The following NUP205 variants were observed in gnomAD, a reference collection of about 807,000 sequenced individuals.
NUP205 encodes the protein nuclear pore complex protein Nup205.
A neutral mutation model predicts 253.8 loss-of-function variants in NUP205; 76 were observed. The observed-to-expected ratio is 0.30, with a 90% confidence interval of 0.25 to 0.36. NUP205 has a LOEUF of 0.36. NUP205 is among the 10% of genes least tolerant of loss of function. NUP205 has a pLI of 1.00. For missense variants in NUP205, 2,162 were observed against 2,425.5 expected, an observed-to-expected ratio of 0.89 and a Z score of 2.28; for synonymous variants, 832 against 850.1, an observed-to-expected ratio of 0.98 and a Z score of 0.37.
At chr7:135,610,407 A>G (rs1168249197) in intron 22 of NUP205, among the ~76,000 whole-genome samples, 4 of 152,164 alleles carry the variant, frequency 2.6e-5, no homozygotes, top group Non-Finnish European at 1.5e-5. Context: ...TTTAGTAGAG[A>G]GGGGGCTTCA....
At chr7:135,565,670 G>C (rs982058595) in intron 1 of NUP205, among the ~76,000 whole-genome samples, 4 of 152,104 alleles carry the variant, frequency 2.6e-5, no homozygotes, top group Non-Finnish European at 4.4e-5. Context: ...GACCTAAGGT[G>C]ATCTGCCCAC....
At chr7:135,576,466 T>TTGTCATACTTCAA in intron 4 of NUP205, 52 bp downstream of exon 4, 1 of 1,508,868 alleles carries the variant, frequency 6.6e-7, no homozygotes, top group Non-Finnish European at 9.1e-7. Context: ...ACTTGAAGTA[T>TTGTCATACTTCAA]GACAATATTT....
At position 135,601,340 on chromosome 7, in the gene NUP205, A is replaced by G. The variant is rs199668175; in HGVS notation, c.2375-30A>G. ...GGTGTGACAAAAATACTAACCCATC[A>G]TCTCTTGGAATATGTTATGTTCTAT... On this transcript the variant is annotated intron_variant, in intron 16 of 42. Transcript: ENST00000285968. 1.8e-4 allele frequency: 293 copies of G among 1,592,130 alleles called. 1 individual carries two copies. In the East Asian group the frequency reaches 6.0e-3, roughly 32 times the overall value.
intron 10 of NUP205, among the ~76,000 whole-genome samples, chr7:135,588,906 G>A (rs1242540685): frequency 2.0e-5 from 3 of 151,336 alleles, no homozygotes; most frequent in Admixed American, 2.0e-4. Context: ...GAATTGCTAT[G>A]CAGTAGTTCA....
At chr7:135,624,328 A>T (rs1584682039) in intron 31 of NUP205, among the ~76,000 whole-genome samples, 1 of 150,252 alleles carries the variant, frequency 6.7e-6, no homozygotes, top group African/African-American at 2.5e-5. Flanking sequence ...CAGCCTCCCG[A>T]GTAGCTGGGA....
In NUP205 at chr7:135,648,492, G is replaced by A. The variant is rs749780209; in HGVS notation, c.5975G>A (p.Arg1992Gln). 3.1e-6 allele frequency: 5 copies of A among 1,606,750 alleles called. No individual in the cohort carries two copies. The highest frequency in any genetic ancestry group is 1.7e-4 in the Middle Eastern group (1 of 6,046). Residue 1992 changes from arginine (R) to glutamine (Q), a missense_variant, in exon 43 of 43, where the codon CGA (arginine) becomes CAA (glutamine). Physicochemically the swap from Arg to Gln is conservative, Grantham distance 43 (BLOSUM62 1). Transcript: ENST00000285968. The part of the protein sequence containing the change: ...IEGLYSKVRS[R>Q]YSFIQALVRR... ...GGATTATATTCAAAAGTTCGATCTCGATATAGTTTCATACAGGCTCTTGTC... is the reference window on the plus strand; with the variant it reads ...GGATTATATTCAAAAGTTCGATCTCAATATAGTTTCATACAGGCTCTTGTC...
At position 135,557,967 on chromosome 7, in the gene NUP205, A is replaced by G. The variant is rs766470571; in HGVS notation, c.23A>G (p.Asn8Ser). MATPLAV[N>S]SAASLWGPYK... ...AAGATGGCGACGCCTTTGGCGGTAAATTCGGGTAAGTGTGGCCAGACAGAA... is the reference window on the plus strand; with the variant it reads ...AAGATGGCGACGCCTTTGGCGGTAAGTTCGGGTAAGTGTGGCCAGACAGAA... The change falls in exon 1 of 43, where the codon AAT becomes AGT. Residue 8 changes from asparagine (N) to serine (S), a missense_variant. Asn to Ser is a conservative substitution (Grantham distance 46). Coordinates refer to ENST00000285968, the MANE Select transcript of NUP205 (RefSeq NM_015135.3). 8 of 1,613,642 alleles carry G rather than the reference A, an allele frequency of 5.0e-6. No homozygotes were observed. Among genetic ancestry groups the G allele is most frequent in the East Asian group, 2.2e-5 (1 of 44,868 alleles).
At chr7:135,571,303 A>G in intron 2 of NUP205, 56 bp downstream of exon 2, 1 of 1,171,506 alleles carries the variant, frequency 8.5e-7, no homozygotes, top group Non-Finnish European at 1.1e-6. Flanking sequence ...AAGATCGAGG[A>G]AGGAAGTAAA....
At chr7:135,586,144 AC>A (rs1201886579) in intron 8 of NUP205, among the ~76,000 whole-genome samples, 4 of 128,492 alleles carry the variant, frequency 3.1e-5, no homozygotes, top group Admixed American at 3.1e-4. Flanking sequence ...TTTTAAAAGC[AC>A]CCTGAAAGGT....
Position 135,648,589 on chromosome 7 carries a change from T to A in NUP205, c.*33T>A. 7.0e-7 allele frequency: 1 copy of A among 1,436,722 alleles called. No homozygotes were observed. Among genetic ancestry groups the A allele is most frequent in the Non-Finnish European group, 9.2e-7 (1 of 1,086,678 alleles). 89.0% of individuals were successfully genotyped at this position (1,436,722 alleles called of 1,614,324 possible). On this transcript the variant is annotated 3_prime_UTR_variant, in exon 43 of 43. Coordinates refer to ENST00000285968, the MANE Select transcript of NUP205 (RefSeq NM_015135.3). ...TGCTTATGCTCTTCTATGAGAGAGATGAATTGGGGAGAATTGTCTCCATTT... is the reference window on the plus strand; with the variant it reads ...TGCTTATGCTCTTCTATGAGAGAGAAGAATTGGGGAGAATTGTCTCCATTT...
chr7:135,619,626 T>C lies in NUP205; in HGVS notation c.4167T>C (p.Ala1389=), dbSNP rs770229080. The C allele has an allele frequency of 1.2e-6, 2 of 1,614,200 alleles. No homozygotes were observed. The highest frequency in any genetic ancestry group is 3.3e-5 in the Admixed American group (2 of 60,026). ...AAGAGAACCCATTAGTGGGTTTTGC[T>C]TCTATTGGAGATTCTTCACTTTACA... ...PPEENPLVGF[A]SIGDSSLYII... The change falls in exon 29 of 43, where the codon GCT becomes GCC. Residue 1389 remains alanine (A), a synonymous_variant. Coordinates refer to ENST00000285968, the MANE Select transcript of NUP205 (RefSeq NM_015135.3).
At chr7:135,563,256 C>T (rs910212011) in intron 1 of NUP205, among the ~76,000 whole-genome samples, 1 of 151,958 alleles carries the variant, frequency 6.6e-6, no homozygotes, top group Non-Finnish European at 1.5e-5. Context: ...GGCGTGATCT[C>T]GGCTCACTGC....
intron 31 of NUP205, 120 bp downstream of exon 31, chr7:135,623,045 A>G: frequency 2.1e-6 from 2 of 939,292 alleles, no homozygotes; most frequent in Non-Finnish European, 3.1e-6. Flanking sequence ...TCGAAGGCCA[A>G]GGTGGGTGGA....
At chr7:135,571,469 G>C (rs974132629) in intron 2 of NUP205, among the ~76,000 whole-genome samples, 6 of 149,736 alleles carry the variant, frequency 4.0e-5, no homozygotes, top group Admixed American at 1.3e-4. Flanking sequence ...TTGGACTTCT[G>C]GCCTCAGTGA....
intron 42 of NUP205, among the ~76,000 whole-genome samples, chr7:135,647,227 C>T (rs563342899): frequency 3.9e-4 from 59 of 152,358 alleles, no homozygotes; most frequent in Admixed American, 1.6e-3. Context: ...CTCTGCTAGC[C>T]ATCTGAATGT....
At chr7:135,597,325 T>C (rs781208597) in intron 13 of NUP205, 43 bp from the exon 14 acceptor site, 74 of 1,454,412 alleles carry the variant, frequency 5.1e-5, no homozygotes, top group Non-Finnish European at 9.6e-6. Flanking sequence ...TATTCATTGA[T>C]GAATGAGGAA....
chr7:135,622,536 C>G (rs1256229598), intron 30 of NUP205, among the ~76,000 whole-genome samples: 1 of 151,656 alleles, frequency 6.6e-6, no homozygotes, highest in Non-Finnish European at 1.5e-5. Context: ...TTATCCTTTT[C>G]CAGGTACAAT....
intron 34 of NUP205, 73 bp downstream of exon 34, chr7:135,628,184 CAT>C: frequency 1.4e-6 from 2 of 1,413,472 alleles, no homozygotes; most frequent in Non-Finnish European, 1.9e-6. Flanking sequence ...ACCTTACACA[CAT>C]AGAATGCTTA....
chr7:135,590,466 C>T (rs1806598846), intron 10 of NUP205, among the ~76,000 whole-genome samples: 1 of 152,012 alleles, frequency 6.6e-6, no homozygotes, highest in Non-Finnish European at 1.5e-5. Context: ...TAGGCAAATA[C>T]ATGAATTCTA....
Sources: gnomAD v4.1 joint callset for allele counts (sites outside exome capture counted in the v4.1 genomes callset) on GRCh38, gnomAD v4.1.1 for gene constraint, MANE v1.5 for transcripts, NCBI Gene and HGNC (gene_info 2026-07-23, HGNC 2026-07-21) for gene names.